The following ST6GAL2 variants were observed in gnomAD, a reference collection of about 807,000 sequenced individuals.
ST6GAL2 encodes beta-galactoside alpha-2,6-sialyltransferase 2.
ST6GAL2 carries 24 observed loss-of-function variants against 37.5 expected under a neutral mutation model. The observed-to-expected ratio is 0.64, with a 90% confidence interval of 0.46 to 0.90. ST6GAL2 has a LOEUF of 0.90. Among genes scored for constraint, ST6GAL2 ranks in the 40% least tolerant of loss-of-function variants. The pLI, the probability that ST6GAL2 is intolerant of heterozygous loss-of-function variation, is 0.00. For missense variants in ST6GAL2, 715 were observed against 712.7 expected, an observed-to-expected ratio of 1.00 and a Z score of -0.04; for synonymous variants, 306 against 295.1, an observed-to-expected ratio of 1.04 and a Z score of -0.38.
At chr2:106,834,619 T>C (rs6724830) in intron 2 of ST6GAL2, 22,470 of 153,042 alleles carry the variant, frequency 0.15, 2,317 homozygotes, top group East Asian at 0.49. Context: ...AGAAAGCCAG[T>C]CCTTAAGCAG....
chr2:106,854,320 A>C (rs1369561725), intron 1 of ST6GAL2, among the ~76,000 whole-genome samples: 2 of 152,212 alleles, frequency 1.3e-5, no homozygotes, highest in Non-Finnish European at 2.9e-5. Flanking sequence ...CAGTTTCATC[A>C]AATGTGAGTT....
intron 5 of ST6GAL2, chr2:106,825,141 T>G (rs1441130323): frequency 1.3e-5 from 2 of 152,276 alleles, no homozygotes; most frequent in Non-Finnish European, 2.9e-5. Context: ...TTGTATAGTT[T>G]CCTCCCATAA....
At chr2:106,814,074 G>A (rs1455388152) in intron 5 of ST6GAL2, among the ~76,000 whole-genome samples, 1 of 152,166 alleles carries the variant, frequency 6.6e-6, no homozygotes, top group Admixed American at 6.5e-5. Flanking sequence ...ATTTGAACCT[G>A]ATGTAATTTA....
At chr2:106,817,295 C>A (rs1675838609) in intron 5 of ST6GAL2, among the ~76,000 whole-genome samples, 1 of 152,202 alleles carries the variant, frequency 6.6e-6, no homozygotes, top group South Asian at 2.1e-4. Flanking sequence ...ACAGGCTGCA[C>A]CTCTGGAAGA....
chr2:106,830,120 G>T lies in ST6GAL2; in HGVS notation c.1264C>A (p.Gln422Lys), dbSNP rs1175555223. 1 of 1,613,978 alleles carries T rather than the reference G, an allele frequency of 6.2e-7. No homozygotes were observed. Among genetic ancestry groups the T allele is most frequent in the Non-Finnish European group, 8.5e-7 (1 of 1,179,980 alleles). ...TGAATCTTCTCTTTAGTGTTCTCCT[G>T]GATAATATCCCAGAGCTGCCATATA... ...KFIWQLWDII[Q>K]ENTKEKIQPN... Residue 422 changes from glutamine (Q) to lysine (K), a missense_variant, in exon 5 of 6, where the codon CAG (glutamine) becomes AAG (lysine). Gln to Lys is a moderately conservative substitution (Grantham distance 53). Coordinates refer to ENST00000409382, the MANE Select transcript of ST6GAL2 (RefSeq NM_001142351.2).
chr2:106,828,819 C>A (rs1332308720), intron 5 of ST6GAL2, among the ~76,000 whole-genome samples: 1 of 142,194 alleles, frequency 7.0e-6, no homozygotes, highest in Non-Finnish European at 1.5e-5. Context: ...CTAGGATATT[C>A]CTTAATATTA....
Position 106,805,034 on chromosome 2 carries a change from T to A in ST6GAL2, c.*1644A>T, listed in dbSNP as rs1675373777. 6.6e-6 allele frequency: 1 copy of A among 152,162 alleles called. No individual in the cohort carries two copies. Among genetic ancestry groups the A allele is most frequent in the African/African-American group, 2.4e-5 (1 of 41,442 alleles). The allele number at this position is 152,162 out of a possible 1,614,324, so 9.4% of individuals were successfully genotyped here. A position where few individuals can be genotyped will look rare whatever the true frequency, so the allele number is the denominator to read the frequency against. Reference sequence around the variant, plus strand: ...CTTTCCAATTTCTCCTTCACTATTATAGCAAGCTATAGGAGATGTCTTGTT... The same window carrying A: ...CTTTCCAATTTCTCCTTCACTATTAAAGCAAGCTATAGGAGATGTCTTGTT... On this transcript the variant is annotated 3_prime_UTR_variant, in exon 6 of 6. Coordinates refer to ENST00000409382, the MANE Select transcript of ST6GAL2 (RefSeq NM_001142351.2).
rs945960169 is a variant in ST6GAL2 at position 106,853,374 on chromosome 2, T to C, written c.-57-9340A>G. ...AAAGAGACTACAGGTGTTAGGCCCA[T>C]GGTTGCAGGGGTTTTCTACCTCGGT... On this transcript the variant is annotated intron_variant, in intron 1 of 5. Transcript: ENST00000409382. Among the ~76,000 whole-genome samples, 3 of 152,318 alleles carry C rather than the reference T, an allele frequency of 2.0e-5. No homozygotes were observed. The East Asian group carries it at 5.8e-4, about 29-fold the overall frequency.
chr2:106,861,783 A>G (rs1318394042), intron 1 of ST6GAL2, among the ~76,000 whole-genome samples: 2 of 151,896 alleles, frequency 1.3e-5, no homozygotes, highest in Non-Finnish European at 2.9e-5. Flanking sequence ...GGTGTCCGCC[A>G]CCAAGCCTGG....
chr2:106,866,250 G>A (rs376239399), intron 1 of ST6GAL2, among the ~76,000 whole-genome samples: 12 of 152,168 alleles, frequency 7.9e-5, no homozygotes, highest in Non-Finnish European at 1.5e-4. Flanking sequence ...AGTCATGTGG[G>A]ACCCGACACC....
chr2:106,881,037 G>A (rs771064911), intron 1 of ST6GAL2, among the ~76,000 whole-genome samples: 14 of 152,064 alleles, frequency 9.2e-5, no homozygotes, highest in Non-Finnish European at 1.8e-4. Flanking sequence ...CCAGGCTGGA[G>A]TGCAACAGAG....
rs537038435 is a variant in ST6GAL2 at position 106,843,451 on chromosome 2, C to T, written c.527G>A (p.Arg176Lys). ...AQVQRRRVKK[R>K]HRRQRRSHVL... is the part of the protein sequence containing the mutation. Reference sequence around the variant, plus strand: ...GTGGCTCCTTCTCTGCCTCCGGTGCCTCTTCTTCACCCGCCTCCTCTGGAC... The same window carrying T: ...GTGGCTCCTTCTCTGCCTCCGGTGCTTCTTCTTCACCCGCCTCCTCTGGAC... Residue 176 changes from arginine to lysine, a missense_variant, in exon 2 of 6, where the codon AGG becomes AAG. Physicochemically the swap from Arg to Lys is conservative, Grantham distance 26 (BLOSUM62 2). Coordinates refer to ENST00000409382, the MANE Select transcript of ST6GAL2 (RefSeq NM_001142351.2). 2.5e-6 allele frequency: 4 copies of T among 1,614,162 alleles called. No individual in the cohort carries two copies. The highest frequency in any genetic ancestry group is 1.6e-4 in the Middle Eastern group (1 of 6,062).
chr2:106,807,056 A>G, intron 5 of ST6GAL2, 107 bp from the exon 6 acceptor site: 1 of 937,848 alleles, frequency 1.1e-6, no homozygotes, highest in African/African-American at 1.7e-5. Flanking sequence ...GGCAAGAGAC[A>G]CTTACTTTTT....
chr2:106,822,274 A>C (rs887899838), intron 5 of ST6GAL2, among the ~76,000 whole-genome samples: 1 of 152,170 alleles, frequency 6.6e-6, no homozygotes, highest in Non-Finnish European at 1.5e-5. Context: ...GACTCCGCCA[A>C]AAAACTATTA....
intron 5 of ST6GAL2, among the ~76,000 whole-genome samples, chr2:106,824,658 C>G (rs1676135463): frequency 6.6e-6 from 1 of 151,922 alleles, no homozygotes; most frequent in Non-Finnish European, 1.5e-5. Flanking sequence ...CAGAAACATC[C>G]AATACTGCTG....
intron 5 of ST6GAL2, among the ~76,000 whole-genome samples, chr2:106,826,256 T>C (rs78117610): frequency 0.091 from 13,869 of 152,168 alleles, 873 homozygotes; most frequent in African/African-American, 0.13. Flanking sequence ...CTGCAAGCTG[T>C]ACAGGAAGCA....
chr2:106,880,585 A>C (rs1678708204), intron 1 of ST6GAL2, among the ~76,000 whole-genome samples: 1 of 152,178 alleles, frequency 6.6e-6, no homozygotes, highest in Admixed American at 6.5e-5. Context: ...ATTCACATAT[A>C]TGTACACACA....
rs776266456 is a variant in ST6GAL2 at position 106,806,772 on chromosome 2, G to A, written c.1496C>T (p.Thr499Met). ...GCCCTTGCGATGCAAATCCCCCTGC[G>A]TGCCCATGTTCAGGCGCTGCACCAG... is the stretch of plus-strand genomic sequence containing the variant. The part of the protein sequence containing the change: ...KLLVQRLNMG[T>M]QGDLHRKGKV... Residue 499 changes from threonine to methionine, a missense_variant, in exon 6 of 6, where the codon ACG becomes ATG. Coordinates refer to ENST00000409382, the MANE Select transcript of ST6GAL2 (RefSeq NM_001142351.2). 36 of 1,614,054 alleles carry A rather than the reference G, an allele frequency of 2.2e-5. No homozygotes were observed. Among genetic ancestry groups the A allele is most frequent in the Middle Eastern group, 1.6e-4 (1 of 6,084 alleles).
rs1243788826 is a variant in ST6GAL2 at position 106,843,909 on chromosome 2, A to C, written c.69T>G (p.Phe23Leu). The C allele has an allele frequency of 1.2e-6, 2 of 1,602,430 alleles. No homozygotes were observed. The highest frequency in any genetic ancestry group is 3.3e-5 in the Admixed American group (2 of 59,952). The change falls in exon 2 of 6, where the codon TTT becomes TTG. Residue 23 changes from phenylalanine (F) to leucine (L), a missense_variant. Around this residue, in one of 3 missense-constraint regions of ST6GAL2, gnomAD observed 512 missense variants for 488.8 expected, o/e 1.05. Transcript: ENST00000409382. ...LFGIFAWGLL[F>L]LLIFIYFTDS... ...CGGTGAAGTAGATGAAAATCAGCAA[A>C]AAGAGGAGCCCCCAAGCGAATATTC...
Sources: gnomAD v4.1 joint callset for allele counts (sites outside exome capture counted in the v4.1 genomes callset) on GRCh38, gnomAD v4.1.1 for gene constraint, gnomAD v4.1.1 regional missense constraint, MANE v1.5 for transcripts, NCBI Gene and HGNC (gene_info 2026-07-23, HGNC 2026-07-21) for gene names.